The following FHDC1 variants were observed in gnomAD, a reference collection of about 807,000 sequenced individuals.
FHDC1 encodes the protein FH2 domain containing 1, also known as FH2 domain-containing protein 1.
FHDC1 carries 25 observed loss-of-function variants against 52.6 expected under a neutral mutation model. The ratio of observed to expected loss-of-function variants is 0.48; its 90% confidence interval spans 0.35 to 0.66. The LOEUF (loss-of-function observed/expected upper bound fraction) is 0.66, where lower values mean the gene tolerates loss of function less well. Ranked by LOEUF, FHDC1 falls within the 30% of genes least tolerant of loss-of-function variation. FHDC1 has a pLI of 0.01. For synonymous variants in FHDC1, 616 were observed against 581.5 expected, an observed-to-expected ratio of 1.06 and a Z score of -0.85; for missense variants, 1,459 against 1,452.8, an observed-to-expected ratio of 1.00 and a Z score of -0.07.
Position 152,975,280 on chromosome 4 carries a change from C to T in FHDC1, c.1989C>T (p.Leu663=), listed in dbSNP as rs1311402641. Residue 663 remains leucine, a synonymous_variant, in exon 12 of 12, where the codon CTC becomes CTT. Coordinates refer to ENST00000511601, the MANE Select transcript of FHDC1 (RefSeq NM_001371116.1). ...TGGGCTCAGCACAGTCCCCTCCTCTCTCGCCATTGGCTCTGGGAATTAAGG... is the reference window on the plus strand; with the variant it reads ...TGGGCTCAGCACAGTCCCCTCCTCTTTCGCCATTGGCTCTGGGAATTAAGG... ...VSLGSAQSPP[L]SPLALGIKEH... The T allele has an allele frequency of 1.9e-6, 3 of 1,613,612 alleles. No homozygotes were observed. The highest frequency in any genetic ancestry group is 1.3e-5 in the African/African-American group (1 of 75,064).
At chr4:152,929,893 C>T in the FHDC1 span, among the ~76,000 whole-genome samples, 3 of 152,214 alleles carry the variant, frequency 2.0e-5, no homozygotes, top group African/African-American at 7.2e-5. The surrounding 1 kb of genome is among the most constrained non-coding windows in gnomAD (Gnocchi z 4.1). Context: ...AGTATTTTCT[C>T]TGCTTTCCCT....
chr4:152,913,540 T>C, the FHDC1 span, among the ~76,000 whole-genome samples: 1 of 152,252 alleles, frequency 6.6e-6, no homozygotes. Context: ...GTATAATTTA[T>C]GCTAATTTCG....
rs1392634158 is a variant in FHDC1 at position 152,976,382 on chromosome 4, C to T, written c.3091C>T (p.Arg1031Cys). 2 of 1,613,670 alleles carry T rather than the reference C, an allele frequency of 1.2e-6. No individual in the cohort carries two copies. The highest frequency in any genetic ancestry group is 1.7e-6 in the Non-Finnish European group (2 of 1,180,042). ...SVPSVPHELPRVPSFARNTVA... is the reference protein window; with the variant it reads ...SVPSVPHELPCVPSFARNTVA... ...GCCCAGCGTCCCCCACGAACTACCC[C>T]GTGTCCCGAGCTTTGCCCGGAACAC... is the stretch of plus-strand genomic sequence containing the variant. The change falls in exon 12 of 12, where the codon CGT becomes TGT. Residue 1031 changes from arginine to cysteine, a missense_variant. Arg to Cys is a radical substitution (Grantham distance 180, BLOSUM62 -3). Transcript: ENST00000511601.
chr4:152,962,699 C>T (rs1579096446), intron 6 of FHDC1, 115 bp from the exon 7 acceptor site: 2 of 759,118 alleles, frequency 2.6e-6, no homozygotes, highest in Non-Finnish European at 4.5e-6. Context: ...GTTTTATATA[C>T]AGTTTAAGGT....
Position 152,974,924 on chromosome 4 carries a change from C to G in FHDC1, c.1633C>G (p.Pro545Ala). Reference sequence around the variant, plus strand: ...CCGCCGCTCCCGCCTCTCCCTGGGTCCCTCTGCTGACCGGGAGCTGCTGAC... The same window carrying G: ...CCGCCGCTCCCGCCTCTCCCTGGGTGCCTCTGCTGACCGGGAGCTGCTGAC... ...NTRRSRLSLG[P>A]SADRELLTFL... is the part of the protein sequence containing the mutation. Residue 545 changes from proline to alanine, a missense_variant, in exon 12 of 12, where the codon CCC becomes GCC. Pro to Ala is a conservative substitution (Grantham distance 27). Coordinates refer to ENST00000511601, the MANE Select transcript of FHDC1 (RefSeq NM_001371116.1). The G allele has an allele frequency of 6.2e-7, 1 of 1,612,292 alleles. No homozygotes were observed. Among genetic ancestry groups the G allele is most frequent in the Non-Finnish European group, 8.5e-7 (1 of 1,179,820 alleles).
At chr4:152,962,982 T>TGA (rs58275172) in intron 7 of FHDC1, 41 bp from the exon 8 acceptor site, 1 of 1,526,546 alleles carries the variant, frequency 6.6e-7, no homozygotes, top group African/African-American at 1.4e-5. Flanking sequence ...TGTGTGTGTG[T>TGA]ATGTATACAT....
chr4:152,921,925 C>A, the FHDC1 span, among the ~76,000 whole-genome samples: 36 of 152,218 alleles, frequency 2.4e-4, no homozygotes, highest in Non-Finnish European at 3.5e-4. Context: ...AAAATTGACA[C>A]CCTAACATCA....
Position 152,976,336 on chromosome 4 carries a change from A to C in FHDC1, c.3045A>C (p.Glu1015Asp). Reference sequence around the variant, plus strand: ...CCGAGGGCCCTGAGAGTCCCAAAGAAGAGCCCAAGACCCCGTCAGTGCCCA... The same window carrying C: ...CCGAGGGCCCTGAGAGTCCCAAAGACGAGCCCAAGACCCCGTCAGTGCCCA... The part of the protein sequence containing the change: ...AHSEGPESPK[E>D]EPKTPSVPSV... Residue 1015 changes from glutamate (E) to aspartate (D), a missense_variant, in exon 12 of 12, where the codon GAA (glutamate) becomes GAC (aspartate). By Grantham distance (45) the Glu-to-Asp change is conservative. Coordinates refer to ENST00000511601, the MANE Select transcript of FHDC1 (RefSeq NM_001371116.1). The C allele has an allele frequency of 6.2e-7, 1 of 1,613,754 alleles. No individual in the cohort carries two copies.
At chr4:152,961,799 A>G (rs1314292156) in intron 6 of FHDC1, among the ~76,000 whole-genome samples, 1 of 152,232 alleles carries the variant, frequency 6.6e-6, no homozygotes, top group Non-Finnish European at 1.5e-5. Flanking sequence ...TAAGAAGGAA[A>G]AAGATTTTTA....
chr4:152,916,168 A>G, the FHDC1 span, among the ~76,000 whole-genome samples: 1 of 152,228 alleles, frequency 6.6e-6, no homozygotes, highest in East Asian at 1.9e-4. Flanking sequence ...ATACTGTTAG[A>G]AAACAAAAGA....
chr4:152,974,617 G>C lies in FHDC1; in HGVS notation c.1384-58G>C, dbSNP rs1409373972. The stretch of plus-strand genomic sequence containing the variant: ...TTGGCTCTTAGCGTAGGTGGCTCTG[G>C]AACTGCACATTGGTCCCACATGTCT... On this transcript the variant is annotated intron_variant, in intron 11 of 11. Transcript: ENST00000511601. 5 of 1,492,116 alleles carry C rather than the reference G, an allele frequency of 3.4e-6. No individual in the cohort carries two copies. In the East Asian group the frequency reaches 9.2e-5, roughly 27 times the overall value. 92.4% of individuals were successfully genotyped at this position (1,492,116 alleles called of 1,614,324 possible). A position where few individuals can be genotyped will look rare whatever the true frequency, so the allele number is the denominator to read the frequency against.
the FHDC1 span, among the ~76,000 whole-genome samples, chr4:152,919,222 T>C: frequency 4.6e-5 from 7 of 152,246 alleles, no homozygotes; most frequent in African/African-American, 1.2e-4. Flanking sequence ...GCCTTGAAGG[T>C]AAATACTACA....
chr4:152,920,750 G>A, the FHDC1 span, among the ~76,000 whole-genome samples: 9 of 151,630 alleles, frequency 5.9e-5, no homozygotes, highest in Non-Finnish European at 1.3e-4. Flanking sequence ...TTTAAACTTT[G>A]GGTTAAAAAA....
At chr4:152,920,678 G>A in the FHDC1 span, among the ~76,000 whole-genome samples, 1 of 152,090 alleles carries the variant, frequency 6.6e-6, no homozygotes, top group African/African-American at 2.4e-5. Flanking sequence ...GAAGGATAGA[G>A]TTATCATTTT....
the FHDC1 span, among the ~76,000 whole-genome samples, chr4:152,928,473 C>T: frequency 6.6e-6 from 1 of 152,158 alleles, no homozygotes; most frequent in Non-Finnish European, 1.5e-5. Context: ...AGGGAAAGGC[C>T]CAGCTGAAGT....
At chr4:152,924,144 C>T in the FHDC1 span, among the ~76,000 whole-genome samples, 1 of 151,996 alleles carries the variant, frequency 6.6e-6, no homozygotes, top group Non-Finnish European at 1.5e-5. Context: ...CTACAATGAA[C>T]TCAAACAAAT....
Position 152,951,214 on chromosome 4 carries a change from A to C in FHDC1, c.499-2285A>C, listed in dbSNP as rs562661580. Among the ~76,000 whole-genome samples the C allele has an allele frequency of 1.3e-5, 2 of 152,366 alleles. 1 individual carries two copies. The highest frequency in any genetic ancestry group is 4.8e-5 in the African/African-American group (2 of 41,592). On this transcript the variant is annotated intron_variant, in intron 2 of 11. Transcript: ENST00000511601. Reference sequence around the variant, plus strand: ...AGTTCTTTGAACGTGCTGTGTAACTATATCAACATACAGATTCTTATGCAT... The same window carrying C: ...AGTTCTTTGAACGTGCTGTGTAACTCTATCAACATACAGATTCTTATGCAT...
the FHDC1 span, chr4:152,928,128 C>G: frequency 4.1e-6 from 4 of 976,440 alleles, no homozygotes; most frequent in Non-Finnish European, 6.7e-6. Context: ...GAGTCCAGCG[C>G]AGACAGTGAA....
chr4:152,956,797 C>T (rs1309533956), intron 4 of FHDC1, among the ~76,000 whole-genome samples: 1 of 152,218 alleles, frequency 6.6e-6, no homozygotes, highest in African/African-American at 2.4e-5. Flanking sequence ...CTTGGTCACA[C>T]TTCGCCTCCT....
Sources: gnomAD v4.1 joint callset for allele counts (sites outside exome capture counted in the v4.1 genomes callset) on GRCh38, gnomAD v4.1.1 for gene constraint, Gnocchi (gnomAD v3.1) non-coding constraint, MANE v1.5 for transcripts, NCBI Gene and HGNC (gene_info 2026-07-23, HGNC 2026-07-21) for gene names.